CNTNAP3B: variants seen among roughly 807,000 people sequenced by gnomAD.
The protein encoded by CNTNAP3B is contactin associated protein family member 3B.
Under a neutral mutation model 108.9 loss-of-function variants are expected in CNTNAP3B, and 25 were observed. The ratio of observed to expected loss-of-function variants is 0.23; its 90% CI spans 0.17 to 0.32. The LOEUF (loss-of-function observed/expected upper bound fraction) is 0.32. Ranked by LOEUF, CNTNAP3B falls within the 10% of genes least tolerant of loss-of-function variation. The pLI is 1.00. For missense variants in CNTNAP3B, 252 were observed against 1,210.4 expected, an observed-to-expected ratio of 0.21 and a Z score of 11.75; for synonymous variants, 103 against 473.4, an observed-to-expected ratio of 0.22 and a Z score of 10.16.
intron 8 of CNTNAP3B, among the ~76,000 whole-genome samples, chr9:41,988,400 C>T (rs1251022599): frequency 7.6e-6 from 1 of 132,042 alleles, no homozygotes; most frequent in Non-Finnish European, 1.6e-5. Context: ...AGGCACCCGC[C>T]ACCACGCCTG....
At chr9:42,066,165 A>T (rs1827260572) in intron 3 of CNTNAP3B, among the ~76,000 whole-genome samples, 1 of 136,968 alleles carries the variant, frequency 7.3e-6, no homozygotes, top group Non-Finnish European at 1.6e-5. Context: ...TACATTACTG[A>T]GTCTTCATAT....
intron 1 of CNTNAP3B, among the ~76,000 whole-genome samples, chr9:42,117,536 G>A: frequency 7.1e-6 from 1 of 141,500 alleles, no homozygotes; most frequent in East Asian, 2.1e-4. Flanking sequence ...GTGTGGAGAG[G>A]GAAATTTATA....
chr9:42,047,743 C>A lies in CNTNAP3B; in HGVS notation c.390+29126G>T, dbSNP rs1208797635. Reference sequence around the variant, plus strand: ...TGCACCAGCACCCTGCCCCTCGCCCCTCTCACCTGCATCTCCTTTTCATCC... The same window carrying A: ...TGCACCAGCACCCTGCCCCTCGCCCATCTCACCTGCATCTCCTTTTCATCC... On this transcript the variant is annotated intron_variant, in intron 3 of 23. Transcript: ENST00000377561. Among the ~76,000 whole-genome samples, 4 of 97,964 alleles carry A rather than the reference C, an allele frequency of 4.1e-5. 1 individual carries two copies. Among genetic ancestry groups the A allele is most frequent in the Non-Finnish European group, 8.1e-5 (4 of 49,322 alleles). 64.3% of individuals were successfully genotyped at this position (97,964 alleles called of 152,430 possible).
intron 12 of CNTNAP3B, among the ~76,000 whole-genome samples, chr9:41,958,790 A>G (rs1824960698): frequency 1.3e-5 from 2 of 151,740 alleles, no homozygotes; most frequent in Admixed American, 6.6e-5. Flanking sequence ...CCTTGTTAAG[A>G]AGAACAGAAA....
At position 42,114,728 on chromosome 9, in the gene CNTNAP3B, T is replaced by A. The variant is rs1229018139; in HGVS notation, c.86-9989A>T. 7.2e-5 allele frequency among the ~76,000 whole-genome samples: 9 copies of A among 125,166 alleles called. 1 individual carries two copies. The highest frequency in any genetic ancestry group is 7.4e-3 in the Middle Eastern group (2 of 270). 82.1% of individuals were successfully genotyped at this position (125,166 alleles called of 152,430 possible). The stretch of plus-strand genomic sequence containing the variant: ...CATCAAATGTGAAAAGCTACCCAAA[T>A]GAAACCCAGAAAAAACATGTTCCAC... On this transcript the variant is annotated intron_variant, in intron 1 of 23. Coordinates refer to ENST00000377561, the MANE Select transcript of CNTNAP3B (RefSeq NM_001201380.3).
chr9:41,956,158 A>G (rs1439961159), intron 12 of CNTNAP3B, among the ~76,000 whole-genome samples: 11 of 152,216 alleles, frequency 7.2e-5, no homozygotes, highest in African/African-American at 2.4e-4. Flanking sequence ...AGGCCGAGGC[A>G]GGCGGATTAC....
chr9:41,953,328 A>T lies in CNTNAP3B; in HGVS notation c.1935T>A (p.Gly645=), dbSNP rs1438153548. 6.5e-7 allele frequency: 1 copy of T among 1,548,124 alleles called. No individual in the cohort carries two copies. Among genetic ancestry groups the T allele is most frequent in the Non-Finnish European group, 8.7e-7 (1 of 1,154,316 alleles). The change falls in exon 13 of 24, where the codon GGT becomes GGA. Residue 645 remains glycine, a synonymous_variant. Transcript: ENST00000377561. ...CCGAGAGCGGGTGCCCGCTGGGGGC[A>T]CCTCGGAGGGTCACCGCGTCGGGGC... The part of the protein sequence containing the change: ...HGGPDAVTLR[G]APSGHPLSAV...
chr9:41,940,620 T>A (rs1251571483), intron 13 of CNTNAP3B, among the ~76,000 whole-genome samples: 1 of 152,254 alleles, frequency 6.6e-6, no homozygotes, highest in African/African-American at 2.4e-5. Context: ...ATCGAGACCA[T>A]CCTGGCTAAC....
intron 1 of CNTNAP3B, among the ~76,000 whole-genome samples, chr9:42,107,447 C>G (rs1478260049): frequency 8.9e-6 from 1 of 112,272 alleles, no homozygotes; most frequent in Admixed American, 9.4e-5. Flanking sequence ...AATAGTTATT[C>G]TTTCCCTTGG....
intron 12 of CNTNAP3B, among the ~76,000 whole-genome samples, chr9:41,954,888 G>A (rs1291233337): frequency 1.3e-5 from 2 of 152,170 alleles, no homozygotes; most frequent in Non-Finnish European, 2.9e-5. Flanking sequence ...GTTTCACCAT[G>A]TTGGCCAGGC....
intron 13 of CNTNAP3B, among the ~76,000 whole-genome samples, chr9:41,945,995 G>A (rs1161707413): frequency 6.6e-6 from 1 of 152,272 alleles, no homozygotes; most frequent in Non-Finnish European, 1.5e-5. Flanking sequence ...GATGAAAAAG[G>A]GCATTACACA....
At chr9:42,105,652 C>T (rs1352152663) in intron 1 of CNTNAP3B, among the ~76,000 whole-genome samples, 2 of 77,786 alleles carry the variant, frequency 2.6e-5, no homozygotes, top group Admixed American at 1.5e-4. Flanking sequence ...CCTTGGGTAG[C>T]TCTTTTCCTA....
chr9:42,095,779 G>A (rs1430355918), intron 2 of CNTNAP3B, among the ~76,000 whole-genome samples: 1 of 136,632 alleles, frequency 7.3e-6, no homozygotes, highest in African/African-American at 3.0e-5. Flanking sequence ...AATTCCTTCA[G>A]GGGTTCTTTT....
intron 18 of CNTNAP3B, among the ~76,000 whole-genome samples, chr9:41,919,423 T>C (rs1823609019): frequency 6.6e-6 from 1 of 152,124 alleles, no homozygotes; most frequent in Non-Finnish European, 1.5e-5. Flanking sequence ...CCTTTTCTTT[T>C]GAAAACATGA....
At chr9:41,967,055 G>A (rs1256752483) in intron 10 of CNTNAP3B, among the ~76,000 whole-genome samples, 27 of 149,848 alleles carry the variant, frequency 1.8e-4, no homozygotes, top group African/African-American at 2.2e-4. Context: ...TATTTTTTGC[G>A]TAGCTTAAAA....
At chr9:41,925,364 C>T (rs894100211) in intron 15 of CNTNAP3B, among the ~76,000 whole-genome samples, 30 of 152,282 alleles carry the variant, frequency 2.0e-4, no homozygotes, top group African/African-American at 4.8e-4. Context: ...GAGGCCAAGG[C>T]GGACGGATCA....
intron 13 of CNTNAP3B, among the ~76,000 whole-genome samples, chr9:41,949,929 CGAT>C (rs1197221005): frequency 6.6e-6 from 1 of 152,070 alleles, no homozygotes. Flanking sequence ...AGTTAAGAGT[CGAT>C]GAATAGGCAA....
At chr9:41,918,055 T>C (rs1471865636) in intron 18 of CNTNAP3B, among the ~76,000 whole-genome samples, 1 of 152,294 alleles carries the variant, frequency 6.6e-6, no homozygotes, top group African/African-American at 2.4e-5. Context: ...AAAATAATAA[T>C]TTTTACTAGT....
chr9:41,968,912 T>G (rs1221950948), intron 10 of CNTNAP3B, among the ~76,000 whole-genome samples: 1 of 152,080 alleles, frequency 6.6e-6, no homozygotes, highest in Non-Finnish European at 1.5e-5. Context: ...TTCTCCTGCC[T>G]CAGCCTGCCG....
Sources: gnomAD v4.1 joint callset for allele counts (sites outside exome capture counted in the v4.1 genomes callset) on GRCh38, gnomAD v4.1.1 for gene constraint, MANE v1.5 for transcripts, NCBI Gene and HGNC (gene_info 2026-07-23, HGNC 2026-07-21) for gene names.